TSNARE1: variants seen among roughly 807,000 people sequenced by gnomAD.
The protein encoded by TSNARE1 is t-SNARE domain containing 1.
A neutral mutation model predicts 62.0 loss-of-function variants in TSNARE1; 49 were observed. The ratio of observed to expected loss-of-function variants is 0.79; its 90% confidence interval spans 0.63 to 1.00. The LOEUF (loss-of-function observed/expected upper bound fraction) is 1.00. Ranked by LOEUF, TSNARE1 falls within the 50% of genes least tolerant of loss-of-function variation. TSNARE1 has a pLI of 0.00. For synonymous variants in TSNARE1, 328 were observed against 294.4 expected, an observed-to-expected ratio of 1.11 and a Z score of -1.17; for missense variants, 755 against 700.1, an observed-to-expected ratio of 1.08 and a Z score of -0.88.
At chr8:142,307,567 A>G (rs1281913476) in intron 9 of TSNARE1, among the ~76,000 whole-genome samples, 1 of 152,212 alleles carries the variant, frequency 6.6e-6, no homozygotes, top group Non-Finnish European at 1.5e-5. Flanking sequence ...TGTAAATGCT[A>G]TGTAGTAAAT....
intron 13 of TSNARE1, among the ~76,000 whole-genome samples, chr8:142,229,127 T>TGGTGGGTGGATAGATGGATTGACAGTG (rs139152472): frequency 0.55 from 79,162 of 144,390 alleles, 22,678 homozygotes; most frequent in African/African-American, 0.74. Flanking sequence ...GATAAATGGA[T>TGGTGGGTGGATAGATGGATTGACAGTG]GGTGGGTGGA....
intron 9 of TSNARE1, among the ~76,000 whole-genome samples, chr8:142,304,214 TGAGCAGTGCCTGGC>T: frequency 2.0e-5 from 3 of 152,372 alleles, no homozygotes; most frequent in Admixed American, 2.0e-4. Flanking sequence ...CGGGAGGAAG[TGAGCAGTGCCTGGC>T]GGTGGGAGCC....
Position 142,319,847 on chromosome 8 carries a change from G to C in TSNARE1, c.894-1213C>G, listed in dbSNP as rs911552746. Among the ~76,000 whole-genome samples, 1 of 152,162 alleles carries C rather than the reference G, an allele frequency of 6.6e-6. No homozygotes were observed. Among genetic ancestry groups the C allele is most frequent in the African/African-American group, 2.4e-5 (1 of 41,446 alleles). On this transcript the variant is annotated intron_variant, in intron 6 of 13. Coordinates refer to ENST00000524325, the MANE Select transcript of TSNARE1 (RefSeq NM_145003.5). This position sits in a 1 kb window ranked among gnomAD's most constrained non-coding sequence, Gnocchi z 4.9. ...GAGGGTGTGGGCCAAGGAGGGCAAG[G>C]AGCCATAAGGTTACTACAGACTAGG...
intron 9 of TSNARE1, among the ~76,000 whole-genome samples, chr8:142,309,290 C>A (rs1563881803): frequency 6.6e-6 from 1 of 152,146 alleles, no homozygotes; most frequent in Non-Finnish European, 1.5e-5. Flanking sequence ...ACTTCTGGCA[C>A]AATGGGGAAC....
chr8:142,287,643 A>T (rs1822986127), intron 10 of TSNARE1, among the ~76,000 whole-genome samples: 1 of 130,042 alleles, frequency 7.7e-6, no homozygotes, highest in Non-Finnish European at 1.6e-5. Flanking sequence ...GATCTCAGGG[A>T]CAGTGGGCTG....
chr8:142,346,818 C>T (rs1833433159), intron 2 of TSNARE1, among the ~76,000 whole-genome samples: 1 of 152,230 alleles, frequency 6.6e-6, no homozygotes, highest in Non-Finnish European at 1.5e-5. Flanking sequence ...TCATACAACC[C>T]TCAGAGAAGT....
intron 2 of TSNARE1, among the ~76,000 whole-genome samples, chr8:142,347,982 G>T (rs1177293981): frequency 1.3e-5 from 2 of 152,242 alleles, no homozygotes; most frequent in African/African-American, 4.8e-5. Flanking sequence ...CCCTCGAGGG[G>T]CCAGTATGCT....
chr8:142,274,653 G>A, intron 12 of TSNARE1, 128 bp downstream of exon 12: 1 of 1,368,314 alleles, frequency 7.3e-7, no homozygotes, highest in South Asian at 1.8e-5. Context: ...GTTCAGAGGA[G>A]GCCTGTGGGC....
At chr8:142,347,495 A>G (rs892966825) in intron 2 of TSNARE1, among the ~76,000 whole-genome samples, 2 of 152,162 alleles carry the variant, frequency 1.3e-5, no homozygotes, top group Non-Finnish European at 2.9e-5. Flanking sequence ...CTCTCTCTGC[A>G]CAGAGACACA....
intron 13 of TSNARE1, among the ~76,000 whole-genome samples, chr8:142,215,748 A>C (rs1815802520): frequency 6.6e-6 from 1 of 152,306 alleles, no homozygotes; most frequent in Admixed American, 6.5e-5. Flanking sequence ...GCCAGCTGGC[A>C]GTGGCAGCCC....
intron 1 of TSNARE1, among the ~76,000 whole-genome samples, chr8:142,390,047 A>G (rs770487762): frequency 6.6e-6 from 1 of 152,244 alleles, no homozygotes. Context: ...AAGAATCTGC[A>G]TATCTATACA....
chr8:142,361,759 A>G (rs962271626), intron 1 of TSNARE1, among the ~76,000 whole-genome samples: 1 of 152,172 alleles, frequency 6.6e-6, no homozygotes, highest in African/African-American at 2.4e-5. Context: ...CTCCACAGGC[A>G]AGGCCGGAAA....
At chr8:142,360,292 G>A (rs1563984235) in intron 1 of TSNARE1, among the ~76,000 whole-genome samples, 1 of 152,152 alleles carries the variant, frequency 6.6e-6, no homozygotes, top group Non-Finnish European at 1.5e-5. Context: ...GAGGCATGAG[G>A]GGGACACGGA....
chr8:142,229,116 G>A (rs1350885480), intron 13 of TSNARE1, among the ~76,000 whole-genome samples: 1 of 151,706 alleles, frequency 6.6e-6, no homozygotes, highest in East Asian at 1.9e-4. Context: ...AAGGATGGAT[G>A]GATAAATGGA....
At chr8:142,227,466 C>T (rs985387651) in intron 13 of TSNARE1, among the ~76,000 whole-genome samples, 12 of 150,322 alleles carry the variant, frequency 8.0e-5, no homozygotes, top group Admixed American at 2.6e-4. Flanking sequence ...CACCCACAAC[C>T]ACAATGGCAG....
At chr8:142,311,298 T>G (rs1224409690) in intron 9 of TSNARE1, among the ~76,000 whole-genome samples, 1 of 137,656 alleles carries the variant, frequency 7.3e-6, no homozygotes, top group African/African-American at 2.9e-5. Flanking sequence ...TAGTTTTTTT[T>G]TTTTTTTTTT....
chr8:142,300,932 A>C (rs1393769304), intron 9 of TSNARE1, among the ~76,000 whole-genome samples: 1 of 151,800 alleles, frequency 6.6e-6, no homozygotes, highest in Non-Finnish European at 1.5e-5. Context: ...GCCCGGGAGC[A>C]CCCAGCAGAG....
In TSNARE1 at chr8:142,316,292, C is replaced by T. The variant is rs868379053; in HGVS notation, c.985-1200G>A. Among the ~76,000 whole-genome samples, 42 of 151,834 alleles carry T rather than the reference C, an allele frequency of 2.8e-4. 1 individual carries two copies. The highest frequency in any genetic ancestry group is 3.4e-3 in the Middle Eastern group (1 of 294). ...AGGCCAGGGCAGCACCTGGTCCCCACAGAGTGGTCCCCGCAGGGCAGCCAT... is the reference window on the plus strand; with the variant it reads ...AGGCCAGGGCAGCACCTGGTCCCCATAGAGTGGTCCCCGCAGGGCAGCCAT... On this transcript the variant is annotated intron_variant, in intron 7 of 13. Coordinates refer to ENST00000524325, the MANE Select transcript of TSNARE1 (RefSeq NM_145003.5).
At chr8:142,255,473 CCACCATCACCATCAT>C (rs1818395040) in intron 12 of TSNARE1, among the ~76,000 whole-genome samples, 2 of 32,810 alleles carry the variant, frequency 6.1e-5, no homozygotes, top group Admixed American at 3.4e-4. Context: ...ACCATCACCA[CCACCATCACCATCAT>C]CATCACCACC....
Sources: allele counts gnomAD v4.1 joint callset (sites outside exome capture counted in the v4.1 genomes callset), GRCh38; gene constraint gnomAD v4.1.1; non-coding constraint Gnocchi (gnomAD v3.1); transcripts MANE v1.5; gene names NCBI Gene and HGNC (gene_info 2026-07-23, HGNC 2026-07-21).